The following ATP10A variants were observed in gnomAD, a reference collection of about 807,000 sequenced individuals.
ATP10A encodes ATPase phospholipid transporting 10A (putative).
A neutral mutation model predicts 147.8 loss-of-function variants in ATP10A; 111 were observed. The observed-to-expected ratio is 0.75, with a 90% CI of 0.64 to 0.88. The LOEUF (loss-of-function observed/expected upper bound fraction) is 0.88, where lower values mean the gene tolerates loss of function less well. ATP10A is among the 40% of genes least tolerant of loss of function. The pLI is 0.00. For missense variants in ATP10A, 1,927 were observed against 1,959.0 expected (o/e 0.98, Z 0.31); for synonymous variants, 875 against 841.6 (o/e 1.04, Z -0.69).
intron 1 of ATP10A, among the ~76,000 whole-genome samples, chr15:25,840,856 G>A (rs1315110321): frequency 6.6e-6 from 1 of 152,110 alleles, no homozygotes; most frequent in South Asian, 2.1e-4. Context: ...ATGCGCAGTG[G>A]TATCTCTGAG....
At chr15:25,700,180 A>G (rs573630119) in intron 13 of ATP10A, among the ~76,000 whole-genome samples, 1 of 152,370 alleles carries the variant, frequency 6.6e-6, no homozygotes, top group East Asian at 1.9e-4. Context: ...AACCATAACA[A>G]GATACCACTA....
intron 1 of ATP10A, among the ~76,000 whole-genome samples, chr15:25,854,013 T>C (rs1010433258): frequency 2.7e-5 from 4 of 150,362 alleles, no homozygotes; most frequent in African/African-American, 9.8e-5. Flanking sequence ...AAGAAATCAA[T>C]TACAGTAATA....
At chr15:25,709,131 A>G (rs1017604365) in intron 10 of ATP10A, 27 of 152,222 alleles carry the variant, frequency 1.8e-4, no homozygotes, top group African/African-American at 6.0e-4. Flanking sequence ...TTTCTAAACA[A>G]AGTCTAAGTA....
chr15:25,776,491 A>C (rs1889612153), intron 2 of ATP10A, among the ~76,000 whole-genome samples: 1 of 152,256 alleles, frequency 6.6e-6, no homozygotes. Context: ...TGGGAGATAC[A>C]GTAGGCCTGG....
Position 25,863,023 on chromosome 15 carries a change from C to T in ATP10A, c.74G>A (p.Arg25His), listed in dbSNP as rs1424767916. Residue 25 changes from arginine to histidine, a missense_variant, in exon 1 of 21, where the codon CGC becomes CAC. Coordinates refer to ENST00000555815, the MANE Select transcript of ATP10A (RefSeq NM_024490.4). ...CGGCAGCAGGTTGGAGCGCACCGTG[C>T]GCGTCCTGCCCTCTCGGCGCCTCCG... ...GRRRRREGRT[R>H]TVRSNLLPPP... is the part of the protein sequence containing the mutation. The T allele has an allele frequency of 3.0e-6, 4 of 1,333,302 alleles. No individual in the cohort carries two copies. In the South Asian group the frequency reaches 8.0e-5, roughly 27 times the overall value. 82.6% of individuals were successfully genotyped at this position (1,333,302 alleles called of 1,614,324 possible).
rs1462980031 is a variant in ATP10A, at chr15:25,680,321, G to A, written c.3679-13C>T. The A allele has an allele frequency of 1.2e-6, 2 of 1,610,804 alleles. No homozygotes were observed. Among genetic ancestry groups the A allele is most frequent in the Non-Finnish European group, 1.7e-6 (2 of 1,178,052 alleles). On this transcript the variant is annotated splice_polypyrimidine_tract_variant and intron_variant, in intron 19 of 20. Coordinates refer to ENST00000555815, the MANE Select transcript of ATP10A (RefSeq NM_024490.4). Reference sequence around the variant, plus strand: ...AGTTGAGCCAGGTCTGAGGGGGAATGAGAAAGAAAGGGCTTTTATTTCCAC... The same window carrying A: ...AGTTGAGCCAGGTCTGAGGGGGAATAAGAAAGAAAGGGCTTTTATTTCCAC...
Position 25,750,704 on chromosome 15 carries a change from TATGATG to T in ATP10A, c.655-14569_655-14564del, listed in dbSNP as rs56087263. 4.5e-3 allele frequency among the ~76,000 whole-genome samples: 686 copies of T among 150,986 alleles called. 5 individuals carry two copies. Among genetic ancestry groups the T allele is most frequent in the South Asian group, 0.018 (83 of 4,740 alleles). On this transcript the variant is annotated intron_variant, in intron 2 of 20. Coordinates refer to ENST00000555815, the MANE Select transcript of ATP10A (RefSeq NM_024490.4). ...ATAACATTCGTTTACAACATATATATATGATGATGATGATGATGATGATGATGATGA... is the reference window on the plus strand; with the variant it reads ...ATAACATTCGTTTACAACATATATATATGATGATGATGATGATGATGATGA...
At chr15:25,752,416 A>G (rs1428541869) in intron 2 of ATP10A, among the ~76,000 whole-genome samples, 2 of 152,226 alleles carry the variant, frequency 1.3e-5, no homozygotes, top group Admixed American at 6.5e-5. Context: ...AATATTTCAT[A>G]TACTCACTTA....
intron 2 of ATP10A, among the ~76,000 whole-genome samples, chr15:25,742,226 T>C (rs1887618232): frequency 6.6e-6 from 1 of 152,262 alleles, no homozygotes; most frequent in African/African-American, 2.4e-5. Context: ...CAATGAGAAC[T>C]GGCATCCAGG....
intron 14 of ATP10A, among the ~76,000 whole-genome samples, chr15:25,692,431 G>A (rs765492600): frequency 4.6e-5 from 7 of 152,168 alleles, no homozygotes; most frequent in Middle Eastern, 3.2e-3. Context: ...TTATCACTCC[G>A]TGACGGTCAC....
At position 25,683,360 on chromosome 15, in the gene ATP10A, C is replaced by A. The variant is rs202008158; in HGVS notation, c.3418G>T (p.Val1140Leu). 6 of 1,614,104 alleles carry A rather than the reference C, an allele frequency of 3.7e-6. No individual in the cohort carries two copies. The highest frequency in any genetic ancestry group is 5.1e-6 in the Non-Finnish European group (6 of 1,180,030). The change falls in exon 17 of 21, where the codon GTG becomes TTG. Residue 1140 changes from valine to leucine, a missense_variant. Coordinates refer to ENST00000555815, the MANE Select transcript of ATP10A (RefSeq NM_024490.4). Reference protein sequence around the residue: ...FSSLPPLVTGVLDRDVPANVL... With the variant: ...FSSLPPLVTGLLDRDVPANVL... ...TTGGCTGGCACATCCCTGTCCAGCA[C>A]CCCAGTCACGAGCGGGGGAAGTGAC...
At chr15:25,770,500 A>G (rs992875821) in intron 2 of ATP10A, among the ~76,000 whole-genome samples, 4 of 152,222 alleles carry the variant, frequency 2.6e-5, no homozygotes, top group African/African-American at 9.6e-5. Flanking sequence ...TGCCAAGAGA[A>G]CTAAATGAAT....
chr15:25,766,964 G>C lies in ATP10A; in HGVS notation c.654+14055C>G, dbSNP rs1213929331. Among the ~76,000 whole-genome samples the C allele has an allele frequency of 2.6e-5, 4 of 151,170 alleles. No individual in the cohort carries two copies. In the South Asian group the frequency reaches 8.4e-4, roughly 32 times the overall value. On this transcript the variant is annotated intron_variant, in intron 2 of 20. Transcript: ENST00000555815. Reference sequence around the variant, plus strand: ...ATAACTTAATACATGGACATTCACAGGCAGACATATACACATACACACACT... The same window carrying C: ...ATAACTTAATACATGGACATTCACACGCAGACATATACACATACACACACT...
chr15:25,744,375 A>AGT (rs1054473735), intron 2 of ATP10A, among the ~76,000 whole-genome samples: 2 of 152,184 alleles, frequency 1.3e-5, no homozygotes, highest in Non-Finnish European at 2.9e-5. Flanking sequence ...TATGTGTGTG[A>AGT]GTGTGTGTAT....
At chr15:25,675,687 T>C (rs1328296763), downstream of ATP10A, among the ~76,000 whole-genome samples, 1 of 152,202 alleles carries the variant, frequency 6.6e-6, no homozygotes, top group South Asian at 2.1e-4. Context: ...GGCTTACACC[T>C]GTAACCCCAG....
At chr15:25,857,854 G>A (rs1198424692) in intron 1 of ATP10A, among the ~76,000 whole-genome samples, 1 of 152,178 alleles carries the variant, frequency 6.6e-6, no homozygotes, top group Non-Finnish European at 1.5e-5. Flanking sequence ...CCTTAGGCAA[G>A]CTATTGAGTC....
chr15:25,728,696 A>C (rs1056680515), intron 3 of ATP10A, among the ~76,000 whole-genome samples: 10 of 152,206 alleles, frequency 6.6e-5, no homozygotes, highest in Admixed American at 5.9e-4. Context: ...CAAACGATAA[A>C]CTTTATAGAA....
intron 2 of ATP10A, among the ~76,000 whole-genome samples, chr15:25,756,581 T>G (rs1327844636): frequency 6.6e-6 from 1 of 152,004 alleles, no homozygotes; most frequent in Non-Finnish European, 1.5e-5. Flanking sequence ...AGGCGGAGCT[T>G]GCAGTCAGCC....
chr15:25,767,904 C>A (rs1889113914), intron 2 of ATP10A, among the ~76,000 whole-genome samples: 1 of 152,222 alleles, frequency 6.6e-6, no homozygotes, highest in Non-Finnish European at 1.5e-5. Flanking sequence ...TGAGACGCAT[C>A]TAACATGCCA....
Sources: allele counts gnomAD v4.1 joint callset (sites outside exome capture counted in the v4.1 genomes callset), GRCh38; gene constraint gnomAD v4.1.1; transcripts MANE v1.5; gene names NCBI Gene and HGNC (gene_info 2026-07-23, HGNC 2026-07-21).